C3orf18: variants seen among roughly 807,000 people sequenced by gnomAD.
C3orf18 encodes chromosome 3 open reading frame 18.
A neutral mutation model predicts 14.1 loss-of-function variants in C3orf18; 12 were observed. The observed-to-expected ratio is 0.85, with a 90% CI of 0.55 to 1.38. The LOEUF is 1.38. C3orf18 is among the 40% of genes most tolerant of loss of function. The pLI, the probability that C3orf18 is intolerant of heterozygous loss-of-function variation, is 0.00. For missense variants in C3orf18, 196 were observed against 213.9 expected, an observed-to-expected ratio of 0.92 and a Z score of 0.52; for synonymous variants, 82 against 87.9, an observed-to-expected ratio of 0.93 and a Z score of 0.38.
chr3:50,565,307 C>A lies in C3orf18; in HGVS notation c.234+159G>T, dbSNP rs564193445. On this transcript the variant is annotated intron_variant, in intron 3 of 5. Transcript: ENST00000357203. This position sits in a 1 kb window ranked among gnomAD's most constrained non-coding sequence, Gnocchi z 4.4. The stretch of plus-strand genomic sequence containing the variant: ...GATTAAGCCCCAGAGGTGGAGGTTG[C>A]AGTGAGCTGAGATCAAGCCATTGCA... 2 of 621,100 alleles carry A rather than the reference C, an allele frequency of 3.2e-6. No individual in the cohort carries two copies. The highest frequency in any genetic ancestry group is 3.7e-5 in the African/African-American group (2 of 54,628). The allele number at this position is 621,100 out of a possible 1,614,324, so 38.5% of individuals were successfully genotyped here.
chr3:50,561,602 A>C (rs1699971847), intron 4 of C3orf18, 120 bp downstream of exon 4: 2 of 966,550 alleles, frequency 2.1e-6, no homozygotes, highest in Admixed American at 4.1e-5. Context: ...CCCAACCATG[A>C]ATGGGCAGGA....
At chr3:50,561,286 G>A (rs1699951493) in intron 4 of C3orf18, among the ~76,000 whole-genome samples, 1 of 152,214 alleles carries the variant, frequency 6.6e-6, no homozygotes, top group Non-Finnish European at 1.5e-5. Context: ...CCCACTCCAG[G>A]GTAAGGCCAT....
upstream of C3orf18, among the ~76,000 whole-genome samples, chr3:50,572,908 G>C (rs1017565159): frequency 6.6e-6 from 1 of 152,218 alleles, no homozygotes; most frequent in African/African-American, 2.4e-5. Context: ...AGACCAGGGA[G>C]TAGAGCTGGG....
At chr3:50,571,948 AC>A, upstream of C3orf18, 1 of 1,264,696 alleles carries the variant, frequency 7.9e-7, no homozygotes, top group South Asian at 1.3e-5. Flanking sequence ...GGGCCGGGGT[AC>A]TGAATAGGAA....
chr3:50,565,632 A>G lies in C3orf18; in HGVS notation c.68T>C (p.Leu23Pro), dbSNP rs1700246309. 1 of 1,613,456 alleles carries G rather than the reference A, an allele frequency of 6.2e-7. No homozygotes were observed. Among genetic ancestry groups the G allele is most frequent in the Non-Finnish European group, 8.5e-7 (1 of 1,180,006 alleles). ...SSRPPTSESD[L>P]EPATDGPASE... The stretch of plus-strand genomic sequence containing the variant: ...GGCTGGCCCATCTGTGGCAGGTTCC[A>G]GGTCAGACTCAGAGGTGGGTGGGCG... The change falls in exon 3 of 6, where the codon CTG becomes CCG. Residue 23 changes from leucine (L) to proline (P), a missense_variant. By Grantham distance (98) the Leu-to-Pro change is moderately conservative. Coordinates refer to ENST00000357203, the MANE Select transcript of C3orf18 (RefSeq NM_016210.5). This position sits in a 1 kb window ranked among gnomAD's most constrained non-coding sequence, Gnocchi z 4.4.
upstream of C3orf18, chr3:50,571,617 G>C (rs552170330): frequency 1.4e-4 from 173 of 1,202,802 alleles, no homozygotes; most frequent in African/African-American, 2.5e-3. Context: ...TGGGCCTCCA[G>C]ACCAGTGCTG....
upstream of C3orf18, chr3:50,571,645 T>C: frequency 1.4e-6 from 2 of 1,450,566 alleles, no homozygotes; most frequent in Non-Finnish European, 1.9e-6. Context: ...ATTATCCACA[T>C]AAGACACCTG....
chr3:50,574,011 AC>A (rs1260599915), upstream of C3orf18, among the ~76,000 whole-genome samples: 1 of 152,298 alleles, frequency 6.6e-6, no homozygotes, highest in African/African-American at 2.4e-5. Flanking sequence ...GGTCTGCCCC[AC>A]CAGGGATGCC....
chr3:50,568,725 CAAAAAAAAAAA>C (rs66828816), upstream of C3orf18, among the ~76,000 whole-genome samples: 39 of 84,024 alleles, frequency 4.6e-4, no homozygotes, highest in African/African-American at 1.6e-3. Context: ...AACTCCGTCT[CAAAAAAAAAAA>C]AAAAAAAAAA....
upstream of C3orf18, chr3:50,570,769 A>G (rs780929764): frequency 2.8e-5 from 6 of 211,850 alleles, no homozygotes; most frequent in Non-Finnish European, 5.6e-5. Context: ...TGTGAAGAAA[A>G]CGTAAGTGGC....
Position 50,565,902 on chromosome 3 carries a change from G to A in C3orf18, c.-162-41C>T. 1.7e-6 allele frequency: 1 copy of A among 587,542 alleles called. No individual in the cohort carries two copies. Among genetic ancestry groups the A allele is most frequent in the East Asian group, 2.8e-5 (1 of 35,432 alleles). 36.4% of individuals were successfully genotyped at this position (587,542 alleles called of 1,614,324 possible). A position where few individuals can be genotyped will look rare whatever the true frequency, so the allele number is the denominator to read the frequency against. ...TAAGAAACATGAGGCTAAGGACAGGGGCTCAGTAGTGAGATGAAGTCTCTC... is the reference window on the plus strand; with the variant it reads ...TAAGAAACATGAGGCTAAGGACAGGAGCTCAGTAGTGAGATGAAGTCTCTC... On this transcript the variant is annotated intron_variant, in intron 2 of 5. Transcript: ENST00000357203. This position sits in a 1 kb window ranked among gnomAD's most constrained non-coding sequence, Gnocchi z 4.4.
upstream of C3orf18, chr3:50,571,791 C>G (rs1456829051): frequency 1.9e-6 from 3 of 1,613,836 alleles, no homozygotes; most frequent in African/African-American, 4.0e-5. Flanking sequence ...GAGTAGCCGT[C>G]GATTGCAGAG....
At chr3:50,571,506 T>A, upstream of C3orf18, 1 of 674,060 alleles carries the variant, frequency 1.5e-6, no homozygotes, top group Non-Finnish European at 2.6e-6. Flanking sequence ...AATGAATATA[T>A]CTCTGCCTAA....
At chr3:50,564,541 A>C (rs1700169314) in intron 3 of C3orf18, among the ~76,000 whole-genome samples, 1 of 152,150 alleles carries the variant, frequency 6.6e-6, no homozygotes, top group African/African-American at 2.4e-5. Context: ...TCTGGAAAGC[A>C]TTCCTGCTTT....
chr3:50,573,672 C>A (rs907482504), upstream of C3orf18, among the ~76,000 whole-genome samples: 1 of 152,176 alleles, frequency 6.6e-6, no homozygotes, highest in African/African-American at 2.4e-5. Flanking sequence ...CAGGTTCACC[C>A]CAATGTAAAG....
At chr3:50,562,354 C>T in intron 3 of C3orf18, 3 of 399,128 alleles carry the variant, frequency 7.5e-6, no homozygotes, top group Admixed American at 5.6e-5. Context: ...AACTGTAGCT[C>T]CAGCCACTCA....
chr3:50,559,695 G>C lies in C3orf18; in HGVS notation c.451C>G (p.Leu151Val). 1 of 1,596,480 alleles carries C rather than the reference G, an allele frequency of 6.3e-7. No homozygotes were observed. Among genetic ancestry groups the C allele is most frequent in the Non-Finnish European group, 8.5e-7 (1 of 1,171,332 alleles). Residue 151 changes from leucine to valine, a missense_variant, in exon 6 of 6, where the codon CTG becomes GTG. Leu to Val is a conservative substitution (Grantham distance 32, BLOSUM62 1). Transcript: ENST00000357203. ...SQGPLQRPSR[L>V]VFTDVANAIH... ...GCATTGGCCACATCGGTAAACACCA[G>C]CCGGCTGGGTCTCTGCAGTGGGCCC...
At chr3:50,572,004 G>A (rs1701032542), upstream of C3orf18, 1 of 1,542,498 alleles carries the variant, frequency 6.5e-7, no homozygotes, top group Non-Finnish European at 8.8e-7. Context: ...CCAAGGCCCT[G>A]GAGACATGGT....
At position 50,565,526 on chromosome 3, in the gene C3orf18, G is replaced by A. The variant is rs750493233; in HGVS notation, c.174C>T (p.Gly58=). 1.9e-6 allele frequency: 3 copies of A among 1,613,986 alleles called. No homozygotes were observed. The highest frequency in any genetic ancestry group is 2.5e-6 in the Non-Finnish European group (3 of 1,180,028). The change falls in exon 3 of 6, where the codon GGC becomes GGT. Residue 58 remains glycine, a synonymous_variant. Transcript: ENST00000357203. The surrounding 1 kb of genome is among the most constrained non-coding windows in gnomAD (Gnocchi z 4.4). ...CAAAGGACAGAAGCATGGTACCCAC[G>A]CCGGCCGTGCCACCAGCTGCATCAG... is the stretch of plus-strand genomic sequence containing the variant. ...RIPDAAGGTA[G]VGTMLLSFGI...
Sources: allele counts gnomAD v4.1 joint callset (sites outside exome capture counted in the v4.1 genomes callset), GRCh38; gene constraint gnomAD v4.1.1; non-coding constraint Gnocchi (gnomAD v3.1); transcripts MANE v1.5; gene names NCBI Gene and HGNC (gene_info 2026-07-23, HGNC 2026-07-21).